The following WDHD1 variants were observed in gnomAD, a reference collection of about 807,000 sequenced individuals.
WDHD1 encodes WD repeat and HMG-box DNA binding protein 1, also known as WD repeat and HMG-box DNA-binding protein 1.
A neutral mutation model predicts 135.4 loss-of-function variants in WDHD1; 111 were observed. The ratio of observed to expected loss-of-function variants is 0.82; its 90% CI spans 0.70 to 0.96. The LOEUF (loss-of-function observed/expected upper bound fraction) is 0.96, where lower values mean the gene tolerates loss of function less well. Among genes scored for constraint, WDHD1 ranks in the 40% least tolerant of loss-of-function variants. The pLI is 0.00. For synonymous variants in WDHD1, 434 were observed against 439.0 expected (o/e 0.99, Z 0.14); for missense variants, 1,351 against 1,336.3 (o/e 1.01, Z -0.17).
At position 54,989,054 on chromosome 14, in the gene WDHD1, T is replaced by G. The variant is rs200084313; in HGVS notation, c.1500A>C (p.Ala500=). The change falls in exon 13 of 26, where the codon GCA becomes GCC. Residue 500 remains alanine, a synonymous_variant. Transcript: ENST00000360586. Reference sequence around the variant, plus strand: ...TTGCTAGTTCATCAGTGCTTTCACATGCCAACAAAATAGCTTCGTGGGAAA... The same window carrying G: ...TTGCTAGTTCATCAGTGCTTTCACAGGCCAACAAAATAGCTTCGTGGGAAA... The part of the protein sequence containing the change: ...ADLSHEAILL[A]CESTDELASK... The G allele has an allele frequency of 3.3e-5, 54 of 1,612,344 alleles. No individual in the cohort carries two copies. The East Asian group carries it at 1.1e-3, about 34-fold the overall frequency.
At chr14:54,992,233 G>A (rs562552073) in intron 11 of WDHD1, among the ~76,000 whole-genome samples, 109 of 152,230 alleles carry the variant, frequency 7.2e-4, no homozygotes, top group African/African-American at 2.5e-3. Context: ...GCTCAGGCCT[G>A]TAATCCCAGC....
At chr14:54,982,617 C>T (rs2041636747) in intron 15 of WDHD1, among the ~76,000 whole-genome samples, 1 of 152,128 alleles carries the variant, frequency 6.6e-6, no homozygotes, top group Admixed American at 6.5e-5. Flanking sequence ...GCTTCACACC[C>T]CCCTCACTCT....
At chr14:54,953,415 C>G (rs2041096595) in intron 24 of WDHD1, among the ~76,000 whole-genome samples, 1 of 152,168 alleles carries the variant, frequency 6.6e-6, no homozygotes, top group Non-Finnish European at 1.5e-5. Context: ...ATCAAAACCA[C>G]AGTGAGAAAC....
At chr14:54,954,123 A>AGATATAAAAGATAT (rs1171291097) in intron 24 of WDHD1, among the ~76,000 whole-genome samples, 2 of 151,982 alleles carry the variant, frequency 1.3e-5, no homozygotes. Flanking sequence ...TAAAAAAAAA[A>AGATATAAAAGATAT]AAAAGATATA....
At chr14:54,991,170 G>C (rs769036676) in intron 12 of WDHD1, 43 bp downstream of exon 12, 13 of 1,102,178 alleles carry the variant, frequency 1.2e-5, no homozygotes, top group South Asian at 3.0e-5. Flanking sequence ...AGAAAAAAGT[G>C]CTGAAAACCT....
intron 16 of WDHD1, among the ~76,000 whole-genome samples, chr14:54,970,354 T>A (rs1041322660): frequency 1.1e-4 from 17 of 152,196 alleles, no homozygotes; most frequent in Admixed American, 1.1e-3. Flanking sequence ...GTAGCATTTT[T>A]ATACACCAAT....
chr14:54,974,480 C>T (rs1159054594), intron 16 of WDHD1, among the ~76,000 whole-genome samples: 1 of 133,396 alleles, frequency 7.5e-6, no homozygotes, highest in Non-Finnish European at 1.6e-5. Context: ...GACCACAAAA[C>T]CTGTTTTGTT....
At chr14:55,008,535 TAGAG>T in intron 5 of WDHD1, 69 bp downstream of exon 5, 1 of 1,479,990 alleles carries the variant, frequency 6.8e-7, no homozygotes. Flanking sequence ...GAAAATTTTT[TAGAG>T]AGTTAGTAGG....
chr14:54,977,055 G>T (rs2041536516), intron 16 of WDHD1, among the ~76,000 whole-genome samples: 1 of 150,792 alleles, frequency 6.6e-6, no homozygotes, highest in Non-Finnish European at 1.5e-5. Flanking sequence ...AACTCCCTTT[G>T]TTCCTATATT....
intron 16 of WDHD1, among the ~76,000 whole-genome samples, chr14:54,977,266 T>C (rs1435008788): frequency 2.0e-5 from 3 of 152,186 alleles, no homozygotes; most frequent in African/African-American, 7.2e-5. Flanking sequence ...TGCTGAGCTA[T>C]TATAAAGTGT....
At chr14:54,950,832 C>G (rs1413036140) in intron 24 of WDHD1, among the ~76,000 whole-genome samples, 3 of 152,044 alleles carry the variant, frequency 2.0e-5, no homozygotes, top group East Asian at 3.9e-4. Flanking sequence ...TAGAACTCAG[C>G]ATTAGGAAAC....
At chr14:54,943,749 C>A (rs1376207305) in intron 25 of WDHD1, among the ~76,000 whole-genome samples, 2 of 151,914 alleles carry the variant, frequency 1.3e-5, no homozygotes, top group African/African-American at 4.8e-5. Context: ...ATTCTCCTAA[C>A]TTAAAACATA....
intron 7 of WDHD1, 30 bp downstream of exon 7, chr14:55,007,236 AAAAAAAAAAAAAAG>A (rs778543841): frequency 7.1e-7 from 1 of 1,412,942 alleles, no homozygotes. Context: ...TCTAATAAAA[AAAAAAAAAAAAAAG>A]AAAAGAAAAG....
intron 16 of WDHD1, among the ~76,000 whole-genome samples, chr14:54,976,949 G>A (rs1566722168): frequency 1.3e-5 from 2 of 152,104 alleles, no homozygotes; most frequent in East Asian, 3.9e-4. Context: ...TGCTTCAAAT[G>A]CCTACTGTAT....
chr14:54,980,337 A>G (rs1255564234), intron 16 of WDHD1, among the ~76,000 whole-genome samples: 26 of 151,770 alleles, frequency 1.7e-4, no homozygotes, highest in Middle Eastern at 3.4e-3. Flanking sequence ...AAAAAAAAAG[A>G]CATAATTCAG....
chr14:54,986,566 G>C (rs1423462594), intron 14 of WDHD1, among the ~76,000 whole-genome samples: 1 of 152,144 alleles, frequency 6.6e-6, no homozygotes, highest in Admixed American at 6.5e-5. Context: ...TAGAGAAAAA[G>C]GGGATACACT....
chr14:54,966,355 C>A lies in WDHD1; in HGVS notation c.2310+120G>T, dbSNP rs376128944. 2.7e-3 allele frequency: 3,199 copies of A among 1,194,594 alleles called. 43 individuals carry two copies. In the African/African-American group the frequency reaches 0.033, roughly 12 times the overall value. The allele number at this position is 1,194,594 out of a possible 1,614,324, so 74.0% of individuals were successfully genotyped here. ...GTCGCACAAAAAACAACAACAACAA[C>A]AAAAAAAAACTTAAGAATCTTAGGT... On this transcript the variant is annotated intron_variant, in intron 18 of 25. Coordinates refer to ENST00000360586, the MANE Select transcript of WDHD1 (RefSeq NM_007086.4).
At chr14:54,993,633 C>T (rs7145818) in intron 11 of WDHD1, among the ~76,000 whole-genome samples, 4,248 of 152,194 alleles carry the variant, frequency 0.028, 185 homozygotes, top group African/African-American at 0.097. Flanking sequence ...TTTCTTTATA[C>T]ACTTCAAACA....
intron 3 of WDHD1, among the ~76,000 whole-genome samples, chr14:55,012,182 G>A (rs1321684464): frequency 6.6e-6 from 1 of 152,070 alleles, no homozygotes; most frequent in Non-Finnish European, 1.5e-5. Flanking sequence ...TACATTTAAT[G>A]TATGTTGGTC....
Sources: allele counts gnomAD v4.1 joint callset (sites outside exome capture counted in the v4.1 genomes callset), GRCh38; gene constraint gnomAD v4.1.1; transcripts MANE v1.5; gene names NCBI Gene and HGNC (gene_info 2026-07-23, HGNC 2026-07-21).